PARVA: variants seen among roughly 807,000 people sequenced by gnomAD.
The protein encoded by PARVA is parvin alpha, also known as alpha-parvin.
In PARVA, 25 loss-of-function variants were observed where a neutral mutation model predicts 52.6. That is an observed-to-expected ratio of 0.48 (90% CI 0.35 to 0.66). PARVA has a LOEUF of 0.66. Ranked by LOEUF, PARVA falls within the 30% of genes least tolerant of loss-of-function variation. The probability of loss-of-function intolerance (pLI) is 0.01; values close to 1 mark genes in which losing one functional copy is unlikely to be tolerated. For synonymous variants in PARVA, 185 were observed against 179.1 expected, an observed-to-expected ratio of 1.03 and a Z score of -0.26; for missense variants, 373 against 450.9, an observed-to-expected ratio of 0.83 and a Z score of 1.56.
At chr11:12,486,000 T>C (rs1472098627) in intron 4 of PARVA, among the ~76,000 whole-genome samples, 1 of 152,152 alleles carries the variant, frequency 6.6e-6, no homozygotes, top group Non-Finnish European at 1.5e-5. Context: ...AAAGAAGTGG[T>C]ATCCTAGACC....
chr11:12,459,050 G>A (rs1940737910), intron 1 of PARVA, among the ~76,000 whole-genome samples: 2 of 152,170 alleles, frequency 1.3e-5, no homozygotes, highest in African/African-American at 4.8e-5. Context: ...CTCACTGTTA[G>A]GATCATCCTG....
Position 12,377,787 on chromosome 11 carries a change from A to C in PARVA, c.136+4A>C. Reference sequence around the variant, plus strand: ...CGGAGGAAGAAAGCCAAGGAGGGTGAGTGCGGCCAGGCCGGCCGGGCGGGC... The same window carrying C: ...CGGAGGAAGAAAGCCAAGGAGGGTGCGTGCGGCCAGGCCGGCCGGGCGGGC... On this transcript the variant is annotated splice_donor_region_variant and intron_variant, in intron 1 of 12. Transcript: ENST00000334956. The C allele has an allele frequency of 6.7e-7, 1 of 1,492,632 alleles. No individual in the cohort carries two copies. Among genetic ancestry groups the C allele is most frequent in the Non-Finnish European group, 8.9e-7 (1 of 1,123,396 alleles). The allele number at this position is 1,492,632 out of a possible 1,614,324, so 92.5% of individuals were successfully genotyped here.
At chr11:12,384,171 G>C (rs1939537778) in intron 1 of PARVA, among the ~76,000 whole-genome samples, 1 of 151,724 alleles carries the variant, frequency 6.6e-6, no homozygotes, top group Non-Finnish European at 1.5e-5. Flanking sequence ...ATCTTTTTTT[G>C]CCACTCTGTC....
intron 7 of PARVA, among the ~76,000 whole-genome samples, chr11:12,511,151 T>C (rs933372115): frequency 1.4e-4 from 22 of 152,148 alleles, no homozygotes; most frequent in Non-Finnish European, 3.1e-4. Flanking sequence ...AATTCTAAGA[T>C]TTTCTGGTTG....
At chr11:12,483,677 T>C (rs1308455656) in intron 4 of PARVA, among the ~76,000 whole-genome samples, 2 of 152,122 alleles carry the variant, frequency 1.3e-5, no homozygotes, top group East Asian at 3.9e-4. Context: ...TGAATGCAGG[T>C]GGGCCAAGGA....
chr11:12,504,445 C>T lies in PARVA; in HGVS notation c.657+16C>T, dbSNP rs1418454558. 1.4e-6 allele frequency: 2 copies of T among 1,470,074 alleles called. No homozygotes were observed. Among genetic ancestry groups the T allele is most frequent in the Admixed American group, 3.3e-5 (2 of 59,712 alleles). 91.1% of individuals were successfully genotyped at this position (1,470,074 alleles called of 1,614,324 possible). The stretch of plus-strand genomic sequence containing the variant: ...TGTGGTCCAGGTAAGACAGGTAACA[C>T]TACAAACATCTGTGTCTTTAAAGAG... On this transcript the variant is annotated intron_variant, in intron 6 of 12. Transcript: ENST00000334956.
At chr11:12,449,425 G>C (rs556269974) in intron 1 of PARVA, among the ~76,000 whole-genome samples, 1 of 152,262 alleles carries the variant, frequency 6.6e-6, no homozygotes, top group Admixed American at 6.5e-5. Context: ...CCTAAGTGCT[G>C]GGATTACATG....
chr11:12,514,270 A>G (rs142800359), intron 10 of PARVA, among the ~76,000 whole-genome samples: 1 of 152,336 alleles, frequency 6.6e-6, no homozygotes, highest in Non-Finnish European at 1.5e-5. Context: ...GAATACTCAT[A>G]TACCCTTCAC....
intron 1 of PARVA, among the ~76,000 whole-genome samples, chr11:12,463,053 G>T (rs1940805505): frequency 6.8e-6 from 1 of 146,346 alleles, no homozygotes. Context: ...TTTTAGGATA[G>T]TTTTAGATCT....
chr11:12,512,149 T>C (rs4332507), intron 8 of PARVA, among the ~76,000 whole-genome samples: 6,328 of 152,296 alleles, frequency 0.042, 443 homozygotes, highest in African/African-American at 0.14. Flanking sequence ...GAAAGATTCA[T>C]TAGCTTGCCC....
intron 4 of PARVA, chr11:12,479,479 T>G (rs1391189769): frequency 6.6e-6 from 1 of 152,192 alleles, no homozygotes; most frequent in Non-Finnish European, 1.5e-5. Context: ...AATTTTTGTA[T>G]TTTTTCTGGA....
At chr11:12,421,915 T>C (rs1940157123) in intron 1 of PARVA, among the ~76,000 whole-genome samples, 1 of 152,326 alleles carries the variant, frequency 6.6e-6, no homozygotes, top group Non-Finnish European at 1.5e-5. Flanking sequence ...ACATTCTTGA[T>C]TGAGTAGTTC....
At chr11:12,524,595 C>T (rs1941677915) in intron 12 of PARVA, among the ~76,000 whole-genome samples, 1 of 152,200 alleles carries the variant, frequency 6.6e-6, no homozygotes, top group African/African-American at 2.4e-5. Flanking sequence ...ATTTTACCTC[C>T]ACCTGCTCTT....
intron 7 of PARVA, among the ~76,000 whole-genome samples, chr11:12,509,868 G>A (rs535725154): frequency 5.1e-4 from 78 of 152,212 alleles, no homozygotes; most frequent in Middle Eastern, 6.8e-3. Flanking sequence ...CTGTCCCACC[G>A]CCCACCACCC....
At chr11:12,412,139 C>T (rs1418461486) in intron 1 of PARVA, among the ~76,000 whole-genome samples, 1 of 152,218 alleles carries the variant, frequency 6.6e-6, no homozygotes, top group Non-Finnish European at 1.5e-5. Flanking sequence ...TCTCTATTGT[C>T]TTTCTCAGCT....
rs575885836 is a variant in PARVA at position 12,494,370 on chromosome 11, C to T, written c.401-2088C>T. On this transcript the variant is annotated intron_variant, in intron 4 of 12. Transcript: ENST00000334956. The stretch of plus-strand genomic sequence containing the variant: ...AATGTTCCAATCCTTTAATCATATG[C>T]TTGGTTCTCCTGGCAATCAGCTTCC... 2.6e-5 allele frequency among the ~76,000 whole-genome samples: 4 copies of T among 152,256 alleles called. No individual in the cohort carries two copies. In the South Asian group the frequency reaches 8.3e-4, roughly 32 times the overall value.
At chr11:12,395,849 G>A (rs141727393) in intron 1 of PARVA, among the ~76,000 whole-genome samples, 77 of 152,294 alleles carry the variant, frequency 5.1e-4, no homozygotes, top group African/African-American at 1.9e-3. Context: ...ATATTTTGGA[G>A]GCAGAATCAG....
intron 12 of PARVA, among the ~76,000 whole-genome samples, chr11:12,527,269 G>A (rs549472761): frequency 7.3e-4 from 111 of 152,222 alleles, no homozygotes; most frequent in African/African-American, 2.5e-3. Flanking sequence ...AGGAATAGAG[G>A]GAGGGAAGGA....
At chr11:12,386,762 C>A (rs978492983) in intron 1 of PARVA, among the ~76,000 whole-genome samples, 3 of 152,184 alleles carry the variant, frequency 2.0e-5, no homozygotes, top group African/African-American at 7.2e-5. Flanking sequence ...CTCTTAGGTC[C>A]CTGCTGCACT....
Sources: allele counts gnomAD v4.1 joint callset (sites outside exome capture counted in the v4.1 genomes callset), GRCh38; gene constraint gnomAD v4.1.1; transcripts MANE v1.5; gene names NCBI Gene and HGNC (gene_info 2026-07-23, HGNC 2026-07-21).